The following TMEM196 variants were observed in gnomAD, a reference collection of about 807,000 sequenced individuals.
TMEM196 encodes transmembrane protein 196.
In TMEM196, 17 loss-of-function variants were observed where a neutral mutation model predicts 20.0. The ratio of observed to expected loss-of-function variants is 0.85; its 90% CI spans 0.58 to 1.27. The LOEUF is 1.27. Ranked by LOEUF, TMEM196 falls within the 50% of genes most tolerant of loss-of-function variation. TMEM196 has a pLI of 0.00. For synonymous variants in TMEM196, 113 were observed against 88.9 expected (o/e 1.27, Z -1.52); for missense variants, 267 against 223.0 (o/e 1.20, Z -1.26).
chr7:19,725,791 C>T (rs1017314354), intron 2 of TMEM196, 23 bp from the exon 3 acceptor site: 4 of 1,565,256 alleles, frequency 2.6e-6, no homozygotes, highest in Middle Eastern at 1.7e-4. Flanking sequence ...AGAAAGGCAG[C>T]GTTAAAGTTG....
chr7:19,736,597 C>T (rs2034092475), intron 1 of TMEM196, among the ~76,000 whole-genome samples: 1 of 151,498 alleles, frequency 6.6e-6, no homozygotes, highest in South Asian at 2.1e-4. Context: ...AGTCAAGGTA[C>T]AGAATCCATT....
At chr7:19,734,453 T>G (rs1485354529) in intron 1 of TMEM196, among the ~76,000 whole-genome samples, 1 of 152,202 alleles carries the variant, frequency 6.6e-6, no homozygotes, top group African/African-American at 2.4e-5. Context: ...TGTGATTGAA[T>G]TAAGTTTCTT....
At chr7:19,770,458 A>G (rs1785824152) in intron 1 of TMEM196, among the ~76,000 whole-genome samples, 1 of 152,234 alleles carries the variant, frequency 6.6e-6, no homozygotes, top group African/African-American at 2.4e-5. Context: ...CTACTTAGCC[A>G]GTCTGTCACC....
At chr7:19,756,065 C>A (rs1276872023) in intron 1 of TMEM196, among the ~76,000 whole-genome samples, 1 of 148,358 alleles carries the variant, frequency 6.7e-6, no homozygotes, top group African/African-American at 2.5e-5. Context: ...AGTTTCCTGA[C>A]CAGCTACTCA....
chr7:19,736,383 A>ATGTG (rs1261627200), intron 1 of TMEM196, among the ~76,000 whole-genome samples: 1 of 54,220 alleles, frequency 1.8e-5, no homozygotes, highest in Non-Finnish European at 3.2e-5. Context: ...ATATATATAT[A>ATGTG]TATATATATA....
intron 3 of TMEM196, among the ~76,000 whole-genome samples, chr7:19,724,825 G>T (rs1331327950): frequency 6.6e-6 from 1 of 151,974 alleles, no homozygotes; most frequent in Admixed American, 6.6e-5. Context: ...ACTAGATCCA[G>T]TAGGAGAAAC....
chr7:19,721,368 T>G lies in TMEM196; in HGVS notation c.*760A>C, dbSNP rs1781192378. On this transcript the variant is annotated 3_prime_UTR_variant, in exon 5 of 5. Coordinates refer to ENST00000405844, the MANE Select transcript of TMEM196 (RefSeq NM_001363562.2). ...TGTATACACACATTCACACACATAC[T>G]TTATTCTTAGGCTCATTCATGAACA... 6.6e-6 allele frequency: 1 copy of G among 152,024 alleles called. No homozygotes were observed. The highest frequency in any genetic ancestry group is 2.4e-5 in the African/African-American group (1 of 41,450). 9.4% of individuals were successfully genotyped at this position (152,024 alleles called of 1,614,324 possible).
chr7:19,727,291 C>T (rs1784031558), intron 2 of TMEM196, among the ~76,000 whole-genome samples: 1 of 152,050 alleles, frequency 6.6e-6, no homozygotes, highest in Non-Finnish European at 1.5e-5. Flanking sequence ...ACATGTGTTG[C>T]CCTAGGAGTA....
At chr7:19,751,055 T>C (rs117828735) in intron 1 of TMEM196, among the ~76,000 whole-genome samples, 1 of 152,206 alleles carries the variant, frequency 6.6e-6, no homozygotes. Context: ...TTTTATTTTA[T>C]ATATTTCTTG....
intron 1 of TMEM196, among the ~76,000 whole-genome samples, chr7:19,732,260 T>G (rs929872155): frequency 7.9e-5 from 12 of 152,250 alleles, no homozygotes; most frequent in Non-Finnish European, 1.2e-4. Context: ...TAAGACTTTA[T>G]TAAGTGTCTA....
Position 19,723,017 on chromosome 7 carries a change from C to A in TMEM196, c.534-883G>T, listed in dbSNP as rs117885514. Among the ~76,000 whole-genome samples, 906 of 151,260 alleles carry A rather than the reference C, an allele frequency of 6.0e-3. 4 individuals are homozygous for A. Among genetic ancestry groups the A allele is most frequent in the Non-Finnish European group, 0.011 (713 of 67,788 alleles). On this transcript the variant is annotated intron_variant, in intron 4 of 4. Coordinates refer to ENST00000405844, the MANE Select transcript of TMEM196 (RefSeq NM_001363562.2). ...CATGCTTGAACAAGCCTATTTGCAACAGAGCAGAAAAAAAAAATTAGAAGT... is the reference window on the plus strand; with the variant it reads ...CATGCTTGAACAAGCCTATTTGCAAAAGAGCAGAAAAAAAAAATTAGAAGT...
chr7:19,740,651 G>T (rs927758724), intron 1 of TMEM196, among the ~76,000 whole-genome samples: 1 of 152,102 alleles, frequency 6.6e-6, no homozygotes, highest in Non-Finnish European at 1.5e-5. Context: ...TATTTGGAAT[G>T]AGAGGGTGGC....
chr7:19,769,702 A>G (rs1380189725), intron 1 of TMEM196, among the ~76,000 whole-genome samples: 3 of 141,342 alleles, frequency 2.1e-5, no homozygotes, highest in Non-Finnish European at 4.5e-5. Flanking sequence ...AATATTTGGG[A>G]AAAAAAACAA....
chr7:19,723,270 C>G (rs955552519), intron 4 of TMEM196, among the ~76,000 whole-genome samples: 1 of 151,968 alleles, frequency 6.6e-6, no homozygotes, highest in Non-Finnish European at 1.5e-5. Flanking sequence ...AATCACCCCC[C>G]ACCCCCAATG....
chr7:19,748,167 T>C (rs1784829112), intron 1 of TMEM196, among the ~76,000 whole-genome samples: 1 of 150,680 alleles, frequency 6.6e-6, no homozygotes. Flanking sequence ...GTTAAAATCC[T>C]TGCGTTTTCC....
chr7:19,767,288 A>G (rs1269798494), intron 1 of TMEM196, among the ~76,000 whole-genome samples: 2 of 152,192 alleles, frequency 1.3e-5, no homozygotes, highest in South Asian at 2.1e-4. Context: ...GACGCATGGT[A>G]TGGCCCCCTG....
At chr7:19,722,586 G>A (rs994950478) in intron 4 of TMEM196, among the ~76,000 whole-genome samples, 2 of 152,048 alleles carry the variant, frequency 1.3e-5, no homozygotes, top group African/African-American at 4.8e-5. Flanking sequence ...AGGCCTACGA[G>A]GGCATCATTG....
intron 1 of TMEM196, among the ~76,000 whole-genome samples, chr7:19,768,387 A>G (rs541212265): frequency 1.7e-4 from 26 of 152,188 alleles, no homozygotes; most frequent in African/African-American, 5.3e-4. Flanking sequence ...TTGAATCTTT[A>G]GATTTCCAAA....
chr7:19,750,461 T>C (rs1194083365), intron 1 of TMEM196, among the ~76,000 whole-genome samples: 3 of 152,032 alleles, frequency 2.0e-5, no homozygotes, highest in Non-Finnish European at 4.4e-5. Context: ...GTAGTTGAGG[T>C]ATTTAATCAT....
Sources: allele counts gnomAD v4.1 joint callset (sites outside exome capture counted in the v4.1 genomes callset), GRCh38; gene constraint gnomAD v4.1.1; transcripts MANE v1.5; gene names NCBI Gene and HGNC (gene_info 2026-07-23, HGNC 2026-07-21).